The following SNX14 variants were observed in gnomAD, a reference collection of about 807,000 sequenced individuals.
The protein encoded by SNX14 is sorting nexin-14.
In SNX14, 93 loss-of-function variants were observed where a neutral mutation model predicts 133.8. The ratio of observed to expected loss-of-function variants is 0.70; its 90% CI spans 0.59 to 0.83. The LOEUF is 0.83. Among genes scored for constraint, SNX14 ranks in the 40% least tolerant of loss-of-function variants. SNX14 has a pLI of 0.00. For missense variants in SNX14, 945 were observed against 1,094.9 expected, an observed-to-expected ratio of 0.86 and a Z score of 1.93; for synonymous variants, 368 against 365.6, an observed-to-expected ratio of 1.01 and a Z score of -0.07.
intron 7 of SNX14, among the ~76,000 whole-genome samples, chr6:85,553,797 A>G (rs1287815693): frequency 6.6e-6 from 1 of 151,990 alleles, no homozygotes; most frequent in African/African-American, 2.4e-5. Context: ...AAAAAAAAAA[A>G]AAGAATCTGT....
At chr6:85,534,759 T>C (rs949266558) in intron 17 of SNX14, among the ~76,000 whole-genome samples, 18 of 151,848 alleles carry the variant, frequency 1.2e-4, no homozygotes, top group African/African-American at 4.3e-4. Context: ...TAAATACTTT[T>C]GTTATAATAT....
At position 85,549,745 on chromosome 6, in the gene SNX14, G is replaced by C. The variant is rs1485041085; in HGVS notation, c.769C>G (p.Pro257Ala). ...LTELLFPYILPPKATDCRSLT... is the reference protein window; with the variant it reads ...LTELLFPYILAPKATDCRSLT... ...TACCTGCAGTCTGTTGCTTTAGGAG[G>C]CAAAATATAAGGAAAAAGCAGTTCA... Residue 257 changes from proline to alanine, a missense_variant, in exon 8 of 29, where the codon CCT (proline) becomes GCT (alanine). Pro to Ala is a conservative substitution (Grantham distance 27). Coordinates refer to ENST00000314673, the MANE Select transcript of SNX14 (RefSeq NM_153816.6). 4.3e-6 allele frequency: 7 copies of C among 1,612,628 alleles called. No homozygotes were observed. The highest frequency in any genetic ancestry group is 3.4e-6 in the Non-Finnish European group (4 of 1,179,582).
At chr6:85,555,044 A>G (rs1376440087) in intron 7 of SNX14, among the ~76,000 whole-genome samples, 1 of 151,678 alleles carries the variant, frequency 6.6e-6, no homozygotes, top group Admixed American at 6.6e-5. Context: ...CTTGTGTCAA[A>G]CTCCTAGGCT....
At chr6:85,547,599 C>G (rs1481694435) in intron 9 of SNX14, 49 bp from the exon 10 acceptor site, 4 of 1,418,724 alleles carry the variant, frequency 2.8e-6, no homozygotes, top group Non-Finnish European at 3.8e-6. Flanking sequence ...CTACTGTATT[C>G]TCCCCAGAAT....
intron 4 of SNX14, chr6:85,568,195 C>T (rs1014569100): frequency 6.6e-6 from 1 of 152,114 alleles, no homozygotes; most frequent in African/African-American, 2.4e-5. Flanking sequence ...ATAAATTGTT[C>T]CTGACTCTGA....
chr6:85,534,828 A>G (rs1781378688), intron 17 of SNX14, among the ~76,000 whole-genome samples: 1 of 73,658 alleles, frequency 1.4e-5, no homozygotes, highest in Non-Finnish European at 2.5e-5. Context: ...GTGAAAAGGG[A>G]AAGTTTTTTT....
rs148127207 is a variant in SNX14 at position 85,583,227 on chromosome 6, T to C, written c.141-8849A>G. Among the ~76,000 whole-genome samples the C allele has an allele frequency of 7.2e-5, 11 of 152,238 alleles. No individual in the cohort carries two copies. The East Asian group carries it at 1.9e-3, about 27-fold the overall frequency. On this transcript the variant is annotated intron_variant, in intron 1 of 28. Transcript: ENST00000314673. ...CAACACCCCTTCATGCTAAAAACTATCAATAAACTAGGTATTCATGGAATC... is the reference window on the plus strand; with the variant it reads ...CAACACCCCTTCATGCTAAAAACTACCAATAAACTAGGTATTCATGGAATC...
chr6:85,552,310 A>C (rs767638397), intron 7 of SNX14, among the ~76,000 whole-genome samples: 13 of 152,112 alleles, frequency 8.5e-5, no homozygotes, highest in Non-Finnish European at 1.8e-4. Context: ...TGCTGGGGGA[A>C]TCTTAACCCT....
rs770225115 is a variant in SNX14 at position 85,514,100 on chromosome 6, G to A, written c.2527C>T (p.Arg843Cys). 7.4e-6 allele frequency: 12 copies of A among 1,613,378 alleles called. No homozygotes were observed. Among genetic ancestry groups the A allele is most frequent in the East Asian group, 6.7e-5 (3 of 44,834 alleles). The change falls in exon 25 of 29, where the codon CGT becomes TGT. Residue 843 changes from arginine (R) to cysteine (C), a missense_variant. By Grantham distance (180) the Arg-to-Cys change is radical. Coordinates refer to ENST00000314673, the MANE Select transcript of SNX14 (RefSeq NM_153816.6). ...CKLEQLFQEH[R>C]LVSLITLLRD... The stretch of plus-strand genomic sequence containing the variant: ...AGAAGTGTTATGAGTGAGACCAAAC[G>A]GTGCTCCTGAAATAGCTGTTCTAGT...
intron 18 of SNX14, among the ~76,000 whole-genome samples, chr6:85,532,500 A>G (rs548372201): frequency 4.6e-5 from 7 of 152,376 alleles, no homozygotes; most frequent in African/African-American, 1.4e-4. Context: ...AAAAATAAGT[A>G]AGAATAATTA....
rs1787263198 is a variant in SNX14, at chr6:85,550,267, T to C, written c.635-388A>G. Among the ~76,000 whole-genome samples, 6 of 152,344 alleles carry C rather than the reference T, an allele frequency of 3.9e-5. No homozygotes were observed. In the South Asian group the frequency reaches 1.2e-3, roughly 32 times the overall value. On this transcript the variant is annotated intron_variant, in intron 7 of 28. Transcript: ENST00000314673. ...CTAGCCTCTTTTCAATGTGCATTCTTTATTAGAAGCCTGCTTAGTTTGCAA... is the reference window on the plus strand; with the variant it reads ...CTAGCCTCTTTTCAATGTGCATTCTCTATTAGAAGCCTGCTTAGTTTGCAA...
chr6:85,586,537 T>C (rs1274067595), intron 1 of SNX14, among the ~76,000 whole-genome samples: 1 of 152,208 alleles, frequency 6.6e-6, no homozygotes, highest in Non-Finnish European at 1.5e-5. Flanking sequence ...CCAATTATTG[T>C]TAATTTTGTA....
At chr6:85,512,730 A>C (rs1773388550) in intron 26 of SNX14, among the ~76,000 whole-genome samples, 1 of 151,942 alleles carries the variant, frequency 6.6e-6, no homozygotes, top group Admixed American at 6.6e-5. Context: ...TGTCAGTTAT[A>C]GTTCAGGTTT....
intron 4 of SNX14, 152 bp from the exon 5 acceptor site, chr6:85,567,729 T>C: frequency 4.4e-6 from 2 of 450,348 alleles, no homozygotes; most frequent in Non-Finnish European, 7.8e-6. Flanking sequence ...ACACCTGTAA[T>C]CCCAGCACTT....
At chr6:85,513,682 G>A in intron 26 of SNX14, 118 bp downstream of exon 26, 1 of 704,300 alleles carries the variant, frequency 1.4e-6, no homozygotes, top group East Asian at 2.8e-5. Context: ...ACTGATCTTT[G>A]CAACTATTTG....
At chr6:85,533,902 T>C (rs574110742) in intron 17 of SNX14, 102 bp from the exon 18 acceptor site, 1 of 895,666 alleles carries the variant, frequency 1.1e-6, no homozygotes, top group African/African-American at 1.7e-5. Context: ...CAATTGATAA[T>C]TTTTAAGACC....
At chr6:85,509,188 C>T (rs1027443917) in intron 26 of SNX14, among the ~76,000 whole-genome samples, 13 of 152,152 alleles carry the variant, frequency 8.5e-5, no homozygotes, top group Non-Finnish European at 1.5e-4. Context: ...CTCTCCCAAA[C>T]GGGAGTCTTA....
At chr6:85,542,663 G>C (rs1237982919) in intron 14 of SNX14, among the ~76,000 whole-genome samples, 1 of 152,126 alleles carries the variant, frequency 6.6e-6, no homozygotes, top group Non-Finnish European at 1.5e-5. Context: ...CAAAGTGCTG[G>C]GATTATAGGC....
At chr6:85,543,511 A>G in intron 13 of SNX14, 94 bp downstream of exon 13, 1 of 1,098,310 alleles carries the variant, frequency 9.1e-7, no homozygotes, top group African/African-American at 1.6e-5. Flanking sequence ...ATAGCTGCCC[A>G]TGTACTGCAG....
Sources: allele counts gnomAD v4.1 joint callset (sites outside exome capture counted in the v4.1 genomes callset), GRCh38; gene constraint gnomAD v4.1.1; transcripts MANE v1.5; gene names NCBI Gene and HGNC (gene_info 2026-07-23, HGNC 2026-07-21).